Variants in EPHA6 observed in about 807,000 individuals in gnomAD.
EPHA6 encodes the protein ephrin type-A receptor 6.
Under a neutral mutation model 112.0 loss-of-function variants are expected in EPHA6, and 50 were observed. That is an observed-to-expected ratio of 0.45 (90% CI 0.36 to 0.56). EPHA6 has a LOEUF of 0.56. Among genes scored for constraint, EPHA6 ranks in the 20% least tolerant of loss-of-function variants. The pLI is 0.00. For synonymous variants in EPHA6, 529 were observed against 490.7 expected (o/e 1.08, Z -1.03); for missense variants, 1,280 against 1,417.4 (o/e 0.90, Z 1.56).
intron 11 of EPHA6, among the ~76,000 whole-genome samples, chr3:97,534,469 T>C (rs1353509429): frequency 1.3e-5 from 2 of 150,558 alleles, no homozygotes; most frequent in African/African-American, 4.9e-5. Context: ...CCTTTTTTTT[T>C]TTTTGCTTTT....
At chr3:96,816,351 G>A (rs1414611226) in intron 1 of EPHA6, among the ~76,000 whole-genome samples, 1 of 152,068 alleles carries the variant, frequency 6.6e-6, no homozygotes, top group African/African-American at 2.4e-5. Flanking sequence ...TCACATAATA[G>A]ATATCAGTTA....
chr3:96,926,384 TCCCTGCCC>T (rs964358520), intron 2 of EPHA6, among the ~76,000 whole-genome samples: 5 of 152,110 alleles, frequency 3.3e-5, no homozygotes, highest in Admixed American at 6.6e-5. Flanking sequence ...TATCATTCCA[TCCCTGCCC>T]CCCTGCCCCC....
chr3:97,346,717 A>G (rs1055755327), intron 5 of EPHA6, among the ~76,000 whole-genome samples: 1 of 151,956 alleles, frequency 6.6e-6, no homozygotes, highest in Admixed American at 6.6e-5. Context: ...TACAGCTTCA[A>G]ATGAGGCTGG....
chr3:96,897,528 C>T (rs1415468253), intron 2 of EPHA6, among the ~76,000 whole-genome samples: 1 of 152,132 alleles, frequency 6.6e-6, no homozygotes, highest in East Asian at 1.9e-4. Flanking sequence ...GAGATTCACT[C>T]TCTGTTTAGA....
chr3:97,242,641 A>G (rs1017098750), intron 4 of EPHA6, among the ~76,000 whole-genome samples: 12 of 151,870 alleles, frequency 7.9e-5, no homozygotes, highest in Non-Finnish European at 1.2e-4. Flanking sequence ...TCTGCCACAT[A>G]GTAGACACTA....
intron 1 of EPHA6, among the ~76,000 whole-genome samples, chr3:96,843,168 TCTTA>T (rs2034854206): frequency 6.6e-6 from 1 of 152,098 alleles, no homozygotes; most frequent in African/African-American, 2.4e-5. Flanking sequence ...TTATTACTGC[TCTTA>T]TATATTTGTT....
chr3:97,508,604 G>A (rs201016711), intron 10 of EPHA6, among the ~76,000 whole-genome samples: 28 of 152,204 alleles, frequency 1.8e-4, no homozygotes, highest in Middle Eastern at 3.4e-3. Context: ...GAGTAAGTGC[G>A]ATGTGGTGCT....
In EPHA6 at chr3:97,352,850, C is replaced by T. The variant is rs191195039; in HGVS notation, c.1607-52300C>T. 5.9e-4 allele frequency among the ~76,000 whole-genome samples: 90 copies of T among 152,242 alleles called. 1 individual carries two copies. Among genetic ancestry groups the T allele is most frequent in the Middle Eastern group, 6.8e-3 (2 of 294 alleles). On this transcript the variant is annotated intron_variant, in intron 5 of 17. Coordinates refer to ENST00000389672, the MANE Select transcript of EPHA6 (RefSeq NM_001080448.3). ...GCATCACCCCTTCCCCATCCCAAGG[C>T]AGGGCAGTTCACAGGTCCAGGAGAG...
chr3:96,894,948 G>T (rs1296825294), intron 2 of EPHA6, among the ~76,000 whole-genome samples: 1 of 152,090 alleles, frequency 6.6e-6, no homozygotes, highest in Admixed American at 6.6e-5. Flanking sequence ...ACACCAAAAG[G>T]TTTTCATTAA....
rs570015482 is a variant in EPHA6, at chr3:97,074,925, A to G, written c.1114+86932A>G. 1.9e-4 allele frequency among the ~76,000 whole-genome samples: 29 copies of G among 152,136 alleles called. No individual in the cohort carries two copies. In the South Asian group the frequency reaches 2.5e-3, roughly 13 times the overall value. On this transcript the variant is annotated intron_variant, in intron 3 of 17. Coordinates refer to ENST00000389672, the MANE Select transcript of EPHA6 (RefSeq NM_001080448.3). ...TTTCTCATACATGTCTCCATGATGGACTAGAGAGTAAAACTGATAACTTTG... is the reference window on the plus strand; with the variant it reads ...TTTCTCATACATGTCTCCATGATGGGCTAGAGAGTAAAACTGATAACTTTG...
intron 2 of EPHA6, among the ~76,000 whole-genome samples, chr3:96,898,225 A>G (rs542202586): frequency 6.6e-6 from 1 of 152,318 alleles, no homozygotes; most frequent in Admixed American, 6.5e-5. Context: ...CTCATTATCC[A>G]AACTATTTGA....
intron 15 of EPHA6, among the ~76,000 whole-genome samples, chr3:97,730,555 A>G (rs548153947): frequency 7.2e-5 from 11 of 152,200 alleles, no homozygotes; most frequent in Non-Finnish European, 1.2e-4. Context: ...AATTCTCTCT[A>G]GTTAATTATC....
intron 6 of EPHA6, among the ~76,000 whole-genome samples, chr3:97,446,274 G>A (rs976778027): frequency 6.6e-6 from 1 of 152,060 alleles, no homozygotes; most frequent in African/African-American, 2.4e-5. Flanking sequence ...AGACAAGGCA[G>A]CAGCACTCAC....
chr3:97,486,581 A>G (rs1213362249), intron 10 of EPHA6, among the ~76,000 whole-genome samples: 1 of 152,120 alleles, frequency 6.6e-6, no homozygotes, highest in African/African-American at 2.4e-5. Flanking sequence ...TGGGTGAGGG[A>G]GAGAAAAAGG....
intron 9 of EPHA6, among the ~76,000 whole-genome samples, chr3:97,482,752 T>C (rs544140451): frequency 2.0e-5 from 3 of 152,316 alleles, no homozygotes; most frequent in East Asian, 3.9e-4. Flanking sequence ...ACGCTGGGTA[T>C]TATAAGACTT....
rs397990599 is a variant in EPHA6 at position 97,668,911 on chromosome 3, C to CAAAAAA, written c.2784+30857_2784+30862dup. On this transcript the variant is annotated intron_variant, in intron 14 of 17. Coordinates refer to ENST00000389672, the MANE Select transcript of EPHA6 (RefSeq NM_001080448.3). ...TGTGTGACAGAGTGAGACTCTGTCT[C>CAAAAAA]AAAAAAAAAAAAAAAAAAAAAAAAA... is the stretch of plus-strand genomic sequence containing the variant. Among the ~76,000 whole-genome samples, 220 of 31,916 alleles carry CAAAAAA rather than the reference C, an allele frequency of 6.9e-3. 55 individuals are homozygous for CAAAAAA. Among genetic ancestry groups the CAAAAAA allele is most frequent in the South Asian group, 0.015 (5 of 340 alleles). The allele number at this position is 31,916 out of a possible 152,430, so 20.9% of individuals were successfully genotyped here. A position where few individuals can be genotyped will look rare whatever the true frequency, so the allele number is the denominator to read the frequency against.
At position 97,756,809 on chromosome 3, in the gene EPHA6, G is replaced by A. The variant is rs2036037272; in HGVS notation, c.*8108G>A. ...ACATTTGATGTAAAGATTATGGTGT[G>A]TGCTTGATTTTGGATACATTATTAT... On this transcript the variant is annotated 3_prime_UTR_variant, in exon 18 of 18. Transcript: ENST00000389672. Among the ~76,000 whole-genome samples the A allele has an allele frequency of 6.6e-6, 1 of 151,752 alleles. No homozygotes were observed. Among genetic ancestry groups the A allele is most frequent in the African/African-American group, 2.4e-5 (1 of 41,388 alleles).
At chr3:97,541,106 C>G (rs2092842625) in intron 11 of EPHA6, among the ~76,000 whole-genome samples, 1 of 151,816 alleles carries the variant, frequency 6.6e-6, no homozygotes, top group Non-Finnish European at 1.5e-5. Flanking sequence ...AACAGACCCC[C>G]TTTTAATGCA....
At chr3:97,206,629 C>T (rs935860408) in intron 3 of EPHA6, among the ~76,000 whole-genome samples, 1 of 151,874 alleles carries the variant, frequency 6.6e-6, no homozygotes, top group African/African-American at 2.4e-5. Flanking sequence ...TAATTTTTAC[C>T]TTGTTGAAAC....
Sources: allele counts gnomAD v4.1 joint callset (sites outside exome capture counted in the v4.1 genomes callset), GRCh38; gene constraint gnomAD v4.1.1; transcripts MANE v1.5; gene names NCBI Gene and HGNC (gene_info 2026-07-23, HGNC 2026-07-21).